The following ADGRG7 variants were observed in gnomAD, a reference collection of about 807,000 sequenced individuals.
The protein encoded by ADGRG7 is adhesion G protein-coupled receptor G7.
ADGRG7 carries 82 observed loss-of-function variants against 88.6 expected under a neutral mutation model. That is an observed-to-expected ratio of 0.93 (90% CI 0.77 to 1.11). The LOEUF (loss-of-function observed/expected upper bound fraction) is 1.11. Among genes scored for constraint, ADGRG7 ranks in the 50% most tolerant of loss-of-function variants. ADGRG7 has a pLI of 0.00. For synonymous variants in ADGRG7, 381 were observed against 345.2 expected, an observed-to-expected ratio of 1.10 and a Z score of -1.15; for missense variants, 945 against 953.4, an observed-to-expected ratio of 0.99 and a Z score of 0.12.
At chr3:100,619,860 A>G (rs1231008304) in intron 1 of ADGRG7, among the ~76,000 whole-genome samples, 5 of 152,238 alleles carry the variant, frequency 3.3e-5, no homozygotes, top group Non-Finnish European at 4.4e-5. Context: ...TAAACCAGGA[A>G]GAAGTTGAAT....
chr3:100,664,049 G>A (rs181911712), intron 14 of ADGRG7, among the ~76,000 whole-genome samples: 5 of 151,930 alleles, frequency 3.3e-5, no homozygotes, highest in African/African-American at 9.6e-5. Flanking sequence ...TATAACTCTC[G>A]ACTGCCATGT....
intron 1 of ADGRG7, among the ~76,000 whole-genome samples, chr3:100,626,413 G>T (rs1044429737): frequency 1.1e-4 from 16 of 151,936 alleles, no homozygotes; most frequent in Non-Finnish European, 1.3e-4. Flanking sequence ...TATCAATTTG[G>T]GGAGAATAGA....
chr3:100,674,481 G>C (rs539742798), intron 15 of ADGRG7, among the ~76,000 whole-genome samples: 1 of 151,714 alleles, frequency 6.6e-6, no homozygotes, highest in African/African-American at 2.4e-5. Flanking sequence ...AGGTTTTATA[G>C]TTTTCGTTGT....
Position 100,643,393 on chromosome 3 carries a change from T to G in ADGRG7, c.826T>G (p.Ser276Ala). The change falls in exon 7 of 16, where the codon TCT (serine) becomes GCT (alanine). Residue 276 changes from serine to alanine, a missense_variant. Coordinates refer to ENST00000273352, the MANE Select transcript of ADGRG7 (RefSeq NM_032787.3). ...NAVGPSNVRF[S>A]VQKGASSSLV... ...GGTGGGGCCTTCAAATGTTCGCTTC[T>G]CTGTGCAGAAAGGTGAGCTGTTAAT... is the stretch of plus-strand genomic sequence containing the variant. 1 of 1,614,010 alleles carries G rather than the reference T, an allele frequency of 6.2e-7. No homozygotes were observed. Among genetic ancestry groups the G allele is most frequent in the South Asian group, 1.1e-5 (1 of 91,044 alleles).
chr3:100,624,521 C>T (rs1315986917), intron 1 of ADGRG7, among the ~76,000 whole-genome samples: 1 of 152,156 alleles, frequency 6.6e-6, no homozygotes, highest in African/African-American at 2.4e-5. Flanking sequence ...TTTTGCTGTG[C>T]AGAAGCTCTT....
chr3:100,610,075 G>A (rs978536248), intron 1 of ADGRG7, 104 bp downstream of exon 1: 5 of 863,280 alleles, frequency 5.8e-6, no homozygotes, highest in Non-Finnish European at 7.6e-6. Context: ...TCCAGTCTGA[G>A]GCATTCCACC....
At chr3:100,652,912 G>GA (rs1286074842) in intron 11 of ADGRG7, among the ~76,000 whole-genome samples, 1 of 151,638 alleles carries the variant, frequency 6.6e-6, no homozygotes, top group Non-Finnish European at 1.5e-5. Context: ...CATGAGAAGG[G>GA]AAAAAAAGGC....
At chr3:100,648,668 C>A (rs1050219485) in intron 10 of ADGRG7, among the ~76,000 whole-genome samples, 1 of 152,092 alleles carries the variant, frequency 6.6e-6, no homozygotes, top group Non-Finnish European at 1.5e-5. Flanking sequence ...AAAAGACAGG[C>A]TCTCAAGAGG....
chr3:100,624,311 A>G (rs1427952594), intron 1 of ADGRG7, among the ~76,000 whole-genome samples: 1 of 152,092 alleles, frequency 6.6e-6, no homozygotes, highest in African/African-American at 2.4e-5. Context: ...GCTTGTTTTC[A>G]TATGTTTGTT....
At chr3:100,660,949 T>A (rs1287124604) in intron 14 of ADGRG7, among the ~76,000 whole-genome samples, 2 of 141,370 alleles carry the variant, frequency 1.4e-5, no homozygotes, top group African/African-American at 5.7e-5. Context: ...CGAAACTCCA[T>A]CTCAAAAAAA....
At position 100,670,750 on chromosome 3, in the gene ADGRG7, C is replaced by T. The variant is rs561348854; in HGVS notation, c.2136+1645C>T. Among the ~76,000 whole-genome samples the T allele has an allele frequency of 6.8e-4, 104 of 152,194 alleles. 1 individual carries two copies. The highest frequency in any genetic ancestry group is 2.4e-3 in the African/African-American group (98 of 41,530). On this transcript the variant is annotated intron_variant, in intron 15 of 15. Coordinates refer to ENST00000273352, the MANE Select transcript of ADGRG7 (RefSeq NM_032787.3). ...CGACAGGCCCCAGTGTGTGATGTTC[C>T]CCTCCCTGTGTCCACGTGTTCTCAT...
rs76103128 is a variant in ADGRG7 at position 100,637,974 on chromosome 3, C to A, written c.698+572C>A. Among the ~76,000 whole-genome samples, 520 of 152,350 alleles carry A rather than the reference C, an allele frequency of 3.4e-3. 3 individuals carry two copies. The highest frequency in any genetic ancestry group is 0.012 in the African/African-American group (500 of 41,592). On this transcript the variant is annotated intron_variant, in intron 6 of 15. Transcript: ENST00000273352. ...GTGTGGGAATCAGCCAGTCACTTCT[C>A]CACTGTCAGGAGCGAACTCTGTGCA...
chr3:100,620,403 G>T (rs919817724), intron 1 of ADGRG7, among the ~76,000 whole-genome samples: 1 of 152,094 alleles, frequency 6.6e-6, no homozygotes, highest in African/African-American at 2.4e-5. Context: ...TCGATGGGAC[G>T]TATCTCAAAA....
intron 15 of ADGRG7, among the ~76,000 whole-genome samples, chr3:100,690,503 C>A (rs1046861363): frequency 6.6e-6 from 1 of 152,144 alleles, no homozygotes; most frequent in African/African-American, 2.4e-5. Context: ...GTGGTTTTAT[C>A]TACCTTTGGT....
At position 100,680,613 on chromosome 3, in the gene ADGRG7, C is replaced by T. The variant is rs185076406; in HGVS notation, c.2136+11508C>T. Among the ~76,000 whole-genome samples, 717 of 152,070 alleles carry T rather than the reference C, an allele frequency of 4.7e-3. 2 individuals carry two copies. The highest frequency in any genetic ancestry group is 8.3e-3 in the Non-Finnish European group (561 of 67,952). On this transcript the variant is annotated intron_variant, in intron 15 of 15. Coordinates refer to ENST00000273352, the MANE Select transcript of ADGRG7 (RefSeq NM_032787.3). Reference sequence around the variant, plus strand: ...TTTATACTTCAATTATTAAGCAATACTTCTTTGCGTTTTGGGGGTCAATTT... The same window carrying T: ...TTTATACTTCAATTATTAAGCAATATTTCTTTGCGTTTTGGGGGTCAATTT...
chr3:100,669,961 C>G (rs1159149700), intron 15 of ADGRG7, among the ~76,000 whole-genome samples: 1 of 152,042 alleles, frequency 6.6e-6, no homozygotes, highest in Non-Finnish European at 1.5e-5. Context: ...TTGCTTGAAC[C>G]AGGGAGGTGG....
chr3:100,686,851 C>A (rs550889827), intron 15 of ADGRG7, among the ~76,000 whole-genome samples: 1 of 152,106 alleles, frequency 6.6e-6, no homozygotes, highest in Non-Finnish European at 1.5e-5. Flanking sequence ...ATTGACTTGG[C>A]GATGCGGGCT....
chr3:100,666,507 G>A (rs979552369), intron 14 of ADGRG7, among the ~76,000 whole-genome samples: 1 of 152,200 alleles, frequency 6.6e-6, no homozygotes, highest in Admixed American at 6.5e-5. Context: ...ATTGCTGCTC[G>A]CATGTCCCAC....
At chr3:100,627,927 T>C (rs1196226121) in intron 1 of ADGRG7, among the ~76,000 whole-genome samples, 1 of 152,212 alleles carries the variant, frequency 6.6e-6, no homozygotes, top group African/African-American at 2.4e-5. Flanking sequence ...TGTTAGACAA[T>C]ATGTTGATAT....
Sources: gnomAD v4.1 joint callset for allele counts (sites outside exome capture counted in the v4.1 genomes callset) on GRCh38, gnomAD v4.1.1 for gene constraint, MANE v1.5 for transcripts, NCBI Gene and HGNC (gene_info 2026-07-23, HGNC 2026-07-21) for gene names.